The following TUBG2 variants were observed in gnomAD, a reference collection of about 807,000 sequenced individuals.
TUBG2 encodes tubulin gamma-2 chain.
A neutral mutation model predicts 55.1 loss-of-function variants in TUBG2; 39 were observed. That is an observed-to-expected ratio of 0.71 (90% confidence interval 0.55 to 0.93). The LOEUF is 0.93. Ranked by LOEUF, TUBG2 falls within the 40% of genes least tolerant of loss-of-function variation. TUBG2 has a pLI of 0.00. For synonymous variants in TUBG2, 223 were observed against 241.0 expected, an observed-to-expected ratio of 0.93 and a Z score of 0.69; for missense variants, 358 against 599.1, an observed-to-expected ratio of 0.60 and a Z score of 4.20.
intron 5 of TUBG2, 72 bp downstream of exon 5, chr17:42,663,124 C>A: frequency 6.6e-7 from 1 of 1,519,506 alleles, no homozygotes; most frequent in Non-Finnish European, 9.1e-7. Context: ...TTCTCTTGAG[C>A]TAGAAAGTCT....
rs769052110 is a variant in TUBG2 at position 42,663,355 on chromosome 17, C to T, written c.480-22C>T. The T allele has an allele frequency of 1.9e-6, 3 of 1,613,562 alleles. No homozygotes were observed. The African/African-American group carries it at 4.0e-5, about 22-fold the overall frequency. ...GGAGGGGTCCTTCCGGTTCACTATGCCACCATCCTCTTTTCTCTCAGGTAC... is the reference window on the plus strand; with the variant it reads ...GGAGGGGTCCTTCCGGTTCACTATGTCACCATCCTCTTTTCTCTCAGGTAC... On this transcript the variant is annotated intron_variant, in intron 5 of 10. Transcript: ENST00000251412.
In TUBG2 at chr17:42,661,695, G is replaced by T. The variant is rs544057662; in HGVS notation, c.399+988G>T. Among the ~76,000 whole-genome samples, 3 of 152,266 alleles carry T rather than the reference G, an allele frequency of 2.0e-5. No homozygotes were observed. The South Asian group carries it at 6.2e-4, about 32-fold the overall frequency. ...CCGGACCCTTCTAGAGCTTCCCCTC[G>T]GTATCTCTTCATCTGGCTGTTTATT... On this transcript the variant is annotated intron_variant, in intron 4 of 10. Coordinates refer to ENST00000251412, the MANE Select transcript of TUBG2 (RefSeq NM_016437.3).
chr17:42,659,284 A>C lies in TUBG2; in HGVS notation c.-220A>C. 1 of 515,224 alleles carries C rather than the reference A, an allele frequency of 1.9e-6. No homozygotes were observed. 31.9% of individuals were successfully genotyped at this position (515,224 alleles called of 1,614,324 possible). A position where few individuals can be genotyped will look rare whatever the true frequency, so the allele number is the denominator to read the frequency against. On this transcript the variant is annotated 5_prime_UTR_variant, in exon 1 of 11. Transcript: ENST00000251412. ...TGGCCTGACTCTGCGCCTGTGCGGA[A>C]TTCCAGCTGCGACTGCTGAGGGAGA...
intron 6 of TUBG2, among the ~76,000 whole-genome samples, chr17:42,665,034 TTTATTTTATTTTA>T (rs199942848): frequency 0.026 from 3,878 of 150,958 alleles, 161 homozygotes; most frequent in African/African-American, 0.083. Context: ...TTTTATTTTA[TTTATTTTATTTTA>T]TTATTTTATT....
rs1017426749 is a variant in TUBG2, at chr17:42,665,930, A to G, written c.843+103A>G. 14 of 1,584,486 alleles carry G rather than the reference A, an allele frequency of 8.8e-6. No homozygotes were observed. In the East Asian group the frequency reaches 2.7e-4, roughly 30 times the overall value. The stretch of plus-strand genomic sequence containing the variant: ...CACTGCCCCAGGAGCTGCCCTTTGC[A>G]GGCCCCAAGGCACTGCGCTCAGGGA... On this transcript the variant is annotated intron_variant, in intron 8 of 10. Coordinates refer to ENST00000251412, the MANE Select transcript of TUBG2 (RefSeq NM_016437.3).
chr17:42,660,454 A>C (rs2052357032), intron 3 of TUBG2, 138 bp downstream of exon 3: 1 of 1,450,030 alleles, frequency 6.9e-7, no homozygotes, highest in South Asian at 1.3e-5. Context: ...AGCCAGGGAG[A>C]GGTTTATGCA....
chr17:42,666,884 A>C lies in TUBG2; in HGVS notation c.*84A>C. The stretch of plus-strand genomic sequence containing the variant: ...GCTCCCTCTGACCCAGCTTCACCTC[A>C]TGGACAACCCTTCTTGGTTCATCTC... On this transcript the variant is annotated 3_prime_UTR_variant, in exon 11 of 11. Transcript: ENST00000251412. The C allele has an allele frequency of 6.9e-7, 1 of 1,458,278 alleles. No individual in the cohort carries two copies. The highest frequency in any genetic ancestry group is 9.5e-7 in the Non-Finnish European group (1 of 1,055,260). 90.3% of individuals were successfully genotyped at this position (1,458,278 alleles called of 1,614,324 possible).
Position 42,666,552 on chromosome 17 carries a change from G to T in TUBG2, c.1159-51G>T, listed in dbSNP as rs779022694. On this transcript the variant is annotated intron_variant, in intron 10 of 10. Coordinates refer to ENST00000251412, the MANE Select transcript of TUBG2 (RefSeq NM_016437.3). ...TGGCCACCTTCATCATCTTCCCCAA[G>T]TTCACTCCTAACCCCCTGGCTCGCA... The T allele has an allele frequency of 1.9e-6, 3 of 1,613,750 alleles. No homozygotes were observed. In the East Asian group the frequency reaches 6.7e-5, roughly 36 times the overall value.
rs750173708 is a variant in TUBG2, at chr17:42,665,482, C to A, written c.613C>A (p.Leu205Met). 6.2e-7 allele frequency: 1 copy of A among 1,614,156 alleles called. No individual in the cohort carries two copies. Among genetic ancestry groups the A allele is most frequent in the Admixed American group, 1.7e-5 (1 of 60,024 alleles). Residue 205 changes from leucine to methionine, a missense_variant, in exon 7 of 11, where the codon CTG (leucine) becomes ATG (methionine). By Grantham distance (15) the Leu-to-Met change is conservative. Around this residue, in one of 8 missense-constraint regions of TUBG2, gnomAD observed 52 missense variants for 53.8 expected, o/e 0.97. Transcript: ENST00000251412. ...LTQNADCVVV[L>M]DNTALNRIAT... ...TGCTCTTCTGTCCCCCCAGGTGGTG[C>A]TGGACAACACAGCCCTGAACCGGAT...
Position 42,666,673 on chromosome 17 carries a change from A to G in TUBG2, c.1229A>G (p.Lys410Arg). ...GATGCCTTCCTCGAGCAGTTCCGTA[A>G]GGAGGACATGTTCAAGGACAACTTT... ...KRDAFLEQFRKEDMFKDNFDE... is the reference protein window; with the variant it reads ...KRDAFLEQFRREDMFKDNFDE... Residue 410 changes from lysine to arginine, a missense_variant, in exon 11 of 11, where the codon AAG becomes AGG. Coordinates refer to ENST00000251412, the MANE Select transcript of TUBG2 (RefSeq NM_016437.3). 1 of 1,614,174 alleles carries G rather than the reference A, an allele frequency of 6.2e-7. No individual in the cohort carries two copies. The highest frequency in any genetic ancestry group is 1.7e-5 in the Admixed American group (1 of 60,026).
chr17:42,663,804 G>A (rs867861815), intron 6 of TUBG2, among the ~76,000 whole-genome samples: 14 of 152,204 alleles, frequency 9.2e-5, no homozygotes, highest in Middle Eastern at 3.4e-3. Context: ...TTAGCCAGGC[G>A]TGGTGGCGCA....
Position 42,663,404 on chromosome 17 carries a change from T to A in TUBG2, c.507T>A (p.Tyr169Ter), listed in dbSNP as rs147506590. 5 of 1,614,024 alleles carry A rather than the reference T, an allele frequency of 3.1e-6. No homozygotes were observed. The highest frequency in any genetic ancestry group is 4.2e-6 in the Non-Finnish European group (5 of 1,180,020). ...ACCCCAAGAAGCTAGTGCAGACTTATTCAGTGTTTCCCTACCAGGACGAGA... is the reference window on the plus strand; with the variant it reads ...ACCCCAAGAAGCTAGTGCAGACTTAATCAGTGTTTCCCTACCAGGACGAGA... The part of the protein sequence containing the change: ...DRYPKKLVQT[Y>*]SVFPYQDEMS... Residue 169 changes from tyrosine to a stop codon, truncating the protein, a stop_gained, in exon 6 of 11, where the codon TAT (tyrosine) becomes TAA (stop). Coordinates refer to ENST00000251412, the MANE Select transcript of TUBG2 (RefSeq NM_016437.3). LOFTEE classifies it high-confidence loss of function.
rs749062321 is a variant in TUBG2, at chr17:42,666,137, G to A, written c.894G>A (p.Leu298=). ...TCCTGGATGTCATGAGGCGGCTGCT[G>A]CAGCCCAAGAACGTGATGGTGTCCA... is the stretch of plus-strand genomic sequence containing the variant. ...TTVLDVMRRL[L]QPKNVMVSTG... is the part of the protein sequence containing the mutation. Residue 298 remains leucine, a synonymous_variant, in exon 9 of 11, where the codon CTG becomes CTA. Transcript: ENST00000251412. 6 of 1,613,922 alleles carry A rather than the reference G, an allele frequency of 3.7e-6. No homozygotes were observed. The African/African-American group carries it at 4.0e-5, about 11-fold the overall frequency.
Position 42,666,482 on chromosome 17 carries a change from T to G in TUBG2, c.1156T>G (p.Ser386Ala), listed in dbSNP as rs1376008128. 6.2e-7 allele frequency: 1 copy of G among 1,614,016 alleles called. No individual in the cohort carries two copies. Among genetic ancestry groups the G allele is most frequent in the East Asian group, 2.2e-5 (1 of 44,890 alleles). Residue 386 changes from serine to alanine, a missense_variant and splice_region_variant, in exon 10 of 11, where the codon TCG (serine) becomes GCG (alanine). Around this residue, in one of 8 missense-constraint regions of TUBG2, gnomAD observed 129 missense variants for 251.6 expected, o/e 0.51. Coordinates refer to ENST00000251412, the MANE Select transcript of TUBG2 (RefSeq NM_016437.3). ...GATGGCCAACCACACCAGCATCTCC[T>G]CGGTGAGTCTAGGTTTCTATTCTTC... The part of the protein sequence containing the change: ...LMMANHTSIS[S>A]LFESSCQQFD...
intron 9 of TUBG2, 24 bp downstream of exon 9, chr17:42,666,263 C>A: frequency 6.2e-7 from 1 of 1,614,026 alleles, no homozygotes; most frequent in South Asian, 1.1e-5. Context: ...CTTCATCCCG[C>A]GCCCTGGACC....
In TUBG2 at chr17:42,665,549, A is replaced by G; in HGVS notation, c.680A>G (p.Gln227Arg). The G allele has an allele frequency of 6.2e-7, 1 of 1,614,044 alleles. No homozygotes were observed. The highest frequency in any genetic ancestry group is 1.6e-4 in the Middle Eastern group (1 of 6,062). ...CACATCCAGAACCCGTCCTTCTCCC[A>G]GATCAACCAGCTGGTGGGCCCCCAC... ...RLHIQNPSFS[Q>R]INQLVSTIMS... Residue 227 changes from glutamine (Q) to arginine (R), a missense_variant, in exon 7 of 11, where the codon CAG becomes CGG. Transcript: ENST00000251412.
intron 4 of TUBG2, among the ~76,000 whole-genome samples, chr17:42,662,435 G>A (rs186556311): frequency 1.3e-5 from 2 of 151,884 alleles, no homozygotes; most frequent in Admixed American, 1.3e-4. Flanking sequence ...GTGAAACCCC[G>A]TATCTACGAA....
chr17:42,663,273 G>A, intron 5 of TUBG2, 104 bp from the exon 6 acceptor site: 2 of 1,531,472 alleles, frequency 1.3e-6, no homozygotes. Context: ...TTTTGGCTCT[G>A]AAGACTCAGT....
In TUBG2 at chr17:42,665,736, A is replaced by G; in HGVS notation, c.752A>G (p.Asn251Ser). 6.2e-7 allele frequency: 1 copy of G among 1,614,146 alleles called. No homozygotes were observed. Among genetic ancestry groups the G allele is most frequent in the Non-Finnish European group, 8.5e-7 (1 of 1,180,018 alleles). Reference protein sequence around the residue: ...TTLRYPGYMNNDLIGLIASLI... With the variant: ...TTLRYPGYMNSDLIGLIASLI... ...CTGCGCTACCCCGGCTACATGAACA[A>G]TGACCTCATCGGCCTCATCGCCTCG... is the stretch of plus-strand genomic sequence containing the variant. The change falls in exon 8 of 11, where the codon AAT (asparagine) becomes AGT (serine). Residue 251 changes from asparagine (N) to serine (S), a missense_variant. Transcript: ENST00000251412.
Sources: gnomAD v4.1 joint callset for allele counts (sites outside exome capture counted in the v4.1 genomes callset) on GRCh38, gnomAD v4.1.1 for gene constraint, gnomAD v4.1.1 regional missense constraint, MANE v1.5 for transcripts, NCBI Gene and HGNC (gene_info 2026-07-23, HGNC 2026-07-21) for gene names.